Variants in MGAM observed in about 807,000 individuals in gnomAD.
MGAM encodes the protein maltase-glucoamylase.
MGAM carries 253 observed loss-of-function variants against 358.8 expected under a neutral mutation model. The observed-to-expected ratio is 0.71, with a 90% confidence interval of 0.64 to 0.78. The LOEUF is 0.78. Ranked by LOEUF, MGAM falls within the 30% of genes least tolerant of loss-of-function variation. MGAM has a pLI of 0.00. For synonymous variants in MGAM, 1,105 were observed against 1,227.1 expected, an observed-to-expected ratio of 0.90 and a Z score of 2.08; for missense variants, 3,080 against 3,432.6, an observed-to-expected ratio of 0.90 and a Z score of 2.57.
At chr7:142,026,103 G>A (rs1806939618) in intron 8 of MGAM, among the ~76,000 whole-genome samples, 1 of 152,080 alleles carries the variant, frequency 6.6e-6, no homozygotes, top group South Asian at 2.1e-4. Flanking sequence ...ATTTCTTGAG[G>A]CATTTTATTC....
intron 10 of MGAM, among the ~76,000 whole-genome samples, chr7:142,028,057 GGT>G (rs1807134452): frequency 1.3e-5 from 2 of 151,992 alleles, no homozygotes; most frequent in African/African-American, 4.8e-5. Flanking sequence ...ACATTTTACA[GGT>G]GTTTTTATTT....
In MGAM at chr7:142,094,483, A is replaced by G. The variant is rs1260546166; in HGVS notation, c.7292A>G (p.Lys2431Arg). The change falls in exon 61 of 71, where the codon AAG becomes AGG. Residue 2431 changes from lysine to arginine, a missense_variant. Transcript: ENST00000475668. ...AACACAGCCGCGTGGGATCAGCTGA[A>G]GAAGTCTATCATTGGTGCGTGGGTC... ...GDNTAAWDQL[K>R]KSIIGMMEFS... 2 of 1,542,186 alleles carry G rather than the reference A, an allele frequency of 1.3e-6. No homozygotes were observed. The highest frequency in any genetic ancestry group is 2.7e-5 in the African/African-American group (2 of 74,446).
At chr7:142,042,448 TA>T (rs1808966387) in intron 21 of MGAM, among the ~76,000 whole-genome samples, 1 of 22,444 alleles carries the variant, frequency 4.5e-5, no homozygotes, top group South Asian at 2.1e-3. Context: ...ATATAATATA[TA>T]ATATAACATA....
intron 64 of MGAM, 83 bp from the exon 65 acceptor site, chr7:142,096,248 G>C (rs7807614): frequency 0.18 from 232,893 of 1,295,314 alleles, 21,452 homozygotes; most frequent in South Asian, 0.27. Context: ...TTTCCGACTT[G>C]GATCTGAACT....
In MGAM at chr7:142,060,777, TTCAACCC is replaced by T. The variant is rs1563181097; in HGVS notation, c.4122+407_4122+413del. On this transcript the variant is annotated intron_variant, in intron 34 of 70. Coordinates refer to ENST00000475668, the MANE Select transcript of MGAM (RefSeq NM_001365693.1). ...CCTCGGTTATCCCTTTTAAACAGTC[TTCAACCC>T]TCGAAGACTGACTAGGTCATTTTCT... Among the ~76,000 whole-genome samples the T allele has an allele frequency of 3.3e-5, 5 of 152,278 alleles. No homozygotes were observed. In the East Asian group the frequency reaches 9.7e-4, roughly 29 times the overall value.
In MGAM at chr7:142,062,583, G is replaced by A. The variant is rs755905439; in HGVS notation, c.4138G>A (p.Val1380Met). ...DSQVELYRAY[V>M]AFPDFFRNST... ...TTTTTTATAGCTATATCGAGCTTAT[G>A]TGGCCTTCCCAGACTTTTTCCGTAA... Residue 1380 changes from valine to methionine, a missense_variant, in exon 35 of 71, where the codon GTG (valine) becomes ATG (methionine). Val to Met is a conservative substitution (Grantham distance 21). Transcript: ENST00000475668. The A allele has an allele frequency of 1.8e-5, 29 of 1,602,988 alleles. No homozygotes were observed. The highest frequency in any genetic ancestry group is 2.4e-5 in the Non-Finnish European group (28 of 1,174,222).
At chr7:142,069,579 T>G (rs892032452) in intron 43 of MGAM, among the ~76,000 whole-genome samples, 3 of 145,688 alleles carry the variant, frequency 2.1e-5, no homozygotes, top group African/African-American at 7.3e-5. Context: ...CAAGGAGATT[T>G]CAGTGAGATT....
Position 142,077,360 on chromosome 7 carries a change from C to T in MGAM, c.5493+534C>T, listed in dbSNP as rs185781874. Among the ~76,000 whole-genome samples the T allele has an allele frequency of 8.5e-4, 123 of 144,320 alleles. 6 individuals carry two copies. Among genetic ancestry groups the T allele is most frequent in the African/African-American group, 2.3e-3 (95 of 40,980 alleles). The allele number at this position is 144,320 out of a possible 152,430, so 94.7% of individuals were successfully genotyped here. On this transcript the variant is annotated intron_variant, in intron 47 of 70. Transcript: ENST00000475668. The stretch of plus-strand genomic sequence containing the variant: ...TGGGAGTGGGAGTGGGGGCTGGGGA[C>T]TAGTAGAACAGGGAAGTACAAGATG...
intron 7 of MGAM, among the ~76,000 whole-genome samples, chr7:142,024,070 C>T (rs138130540): frequency 4.0e-5 from 6 of 151,890 alleles, no homozygotes; most frequent in African/African-American, 1.4e-4. Context: ...ACTAAAAATA[C>T]AAAAAATTAG....
chr7:142,035,238 A>G (rs977597068), intron 16 of MGAM, among the ~76,000 whole-genome samples: 4 of 152,136 alleles, frequency 2.6e-5, no homozygotes, highest in Admixed American at 6.6e-5. Flanking sequence ...AATCCAACAT[A>G]TTTATGAATT....
In MGAM at chr7:142,091,296, TA is replaced by T. The variant is rs1297078226; in HGVS notation, c.6811-613del. Among the ~76,000 whole-genome samples the T allele has an allele frequency of 1.0e-4, 15 of 144,592 alleles. 1 individual carries two copies. The highest frequency in any genetic ancestry group is 3.7e-4 in the African/African-American group (15 of 40,642). The allele number at this position is 144,592 out of a possible 152,430, so 94.9% of individuals were successfully genotyped here. On this transcript the variant is annotated intron_variant, in intron 57 of 70. Coordinates refer to ENST00000475668, the MANE Select transcript of MGAM (RefSeq NM_001365693.1). ...TGTACCTTTAACCCATCTTGCAGGT[TA>T]AAACAAAAACACACCTGTTATTATC...
At chr7:142,091,486 G>A (rs1432108679) in intron 57 of MGAM, among the ~76,000 whole-genome samples, 1 of 145,596 alleles carries the variant, frequency 6.9e-6, no homozygotes, top group African/African-American at 2.4e-5. Context: ...CTCCCCTCTC[G>A]CAGTGGGAAT....
chr7:142,005,416 TG>T, intron 1 of MGAM, 112 bp from the exon 2 acceptor site: 1 of 705,986 alleles, frequency 1.4e-6, no homozygotes, highest in South Asian at 2.3e-5. Context: ...AATGGATGCT[TG>T]GGAGGCTTGT....
intron 27 of MGAM, 107 bp downstream of exon 27, chr7:142,055,015 C>G (rs1811359786): frequency 1.7e-6 from 2 of 1,202,842 alleles, no homozygotes; most frequent in South Asian, 3.1e-5. Flanking sequence ...TTGTCCACTT[C>G]CAGATCCATG....
chr7:142,027,272 G>C, intron 9 of MGAM, 45 bp downstream of exon 9: 1 of 1,447,168 alleles, frequency 6.9e-7, no homozygotes, highest in Non-Finnish European at 9.7e-7. Context: ...ATCCTAAACA[G>C]CAAATATTTT....
intron 47 of MGAM, among the ~76,000 whole-genome samples, chr7:142,077,778 T>C (rs1045993928): frequency 2.2e-4 from 32 of 145,690 alleles, no homozygotes; most frequent in African/African-American, 7.8e-4. Context: ...TACTATATAC[T>C]CATTAAAATT....
At chr7:142,097,725 G>A (rs1225924152) in intron 66 of MGAM, 76 bp downstream of exon 66, 15 of 1,459,240 alleles carry the variant, frequency 1.0e-5, no homozygotes, top group Admixed American at 1.7e-5. Context: ...ATAGACCTTA[G>A]GTCAAATGCT....
upstream of MGAM, among the ~76,000 whole-genome samples, chr7:141,994,496 G>T (rs782342109): frequency 6.6e-5 from 10 of 152,194 alleles, no homozygotes; most frequent in Non-Finnish European, 1.2e-4. Flanking sequence ...AGGGGTGTGT[G>T]TGTTGGCCTC....
At chr7:141,999,573 A>T (rs1477410356) in intron 1 of MGAM, among the ~76,000 whole-genome samples, 1 of 152,220 alleles carries the variant, frequency 6.6e-6, no homozygotes, top group Non-Finnish European at 1.5e-5. Flanking sequence ...TGCAGTCGTT[A>T]TAAAAATGGC....
Sources: gnomAD v4.1 joint callset for allele counts (sites outside exome capture counted in the v4.1 genomes callset) on GRCh38, gnomAD v4.1.1 for gene constraint, MANE v1.5 for transcripts, NCBI Gene and HGNC (gene_info 2026-07-23, HGNC 2026-07-21) for gene names.